DGKB: variants seen among roughly 807,000 people sequenced by gnomAD.
DGKB encodes diacylglycerol kinase beta, also known as 90 kDa diacylglycerol kinase.
Under a neutral mutation model 114.3 loss-of-function variants are expected in DGKB, and 67 were observed. The observed-to-expected ratio is 0.59, with a 90% CI of 0.48 to 0.72. The LOEUF is 0.72. Among genes scored for constraint, DGKB ranks in the 30% least tolerant of loss-of-function variants. The pLI is 0.00. For synonymous variants in DGKB, 398 were observed against 323.1 expected, an observed-to-expected ratio of 1.23 and a Z score of -2.49; for missense variants, 907 against 975.2, an observed-to-expected ratio of 0.93 and a Z score of 0.93.
intron 23 of DGKB, among the ~76,000 whole-genome samples, chr7:14,278,821 C>A (rs770092450): frequency 8.6e-5 from 13 of 151,776 alleles, no homozygotes; most frequent in Non-Finnish European, 1.6e-4. Flanking sequence ...AATAAATAAC[C>A]CAATTAACAG....
At chr7:14,805,939 G>T (rs1586635766) in intron 2 of DGKB, among the ~76,000 whole-genome samples, 1 of 150,586 alleles carries the variant, frequency 6.6e-6, no homozygotes, top group Admixed American at 6.6e-5. Context: ...CAGTTCAAAT[G>T]GTTTCAGATT....
At chr7:14,349,027 T>C (rs942579870) in intron 21 of DGKB, among the ~76,000 whole-genome samples, 2 of 152,036 alleles carry the variant, frequency 1.3e-5, no homozygotes, top group African/African-American at 4.8e-5. Context: ...ATCGTGAACT[T>C]TGTTTTATGG....
chr7:14,324,446 C>A (rs958329414), intron 23 of DGKB, among the ~76,000 whole-genome samples: 1,393 of 118,184 alleles, frequency 0.012, no homozygotes, highest in Middle Eastern at 0.018. Flanking sequence ...GACTCTGTCT[C>A]AAAAAAAAAA....
chr7:14,407,404 G>A (rs1167528266), intron 21 of DGKB, among the ~76,000 whole-genome samples: 1 of 152,002 alleles, frequency 6.6e-6, no homozygotes, highest in Admixed American at 6.6e-5. Context: ...GTTGATCTAG[G>A]CTGGACCATG....
chr7:14,922,165 G>A (rs1053767369), intron 1 of DGKB, among the ~76,000 whole-genome samples: 1 of 151,996 alleles, frequency 6.6e-6, no homozygotes, highest in Non-Finnish European at 1.5e-5. Context: ...AAAGCAAGAT[G>A]GAAGAGCAAT....
chr7:14,608,721 T>C (rs994523647), intron 16 of DGKB, among the ~76,000 whole-genome samples: 1 of 152,050 alleles, frequency 6.6e-6, no homozygotes, highest in Non-Finnish European at 1.5e-5. Flanking sequence ...TGAAGAATTT[T>C]AGCAAGGTTT....
At chr7:14,660,371 T>G (rs552735232) in intron 13 of DGKB, among the ~76,000 whole-genome samples, 1 of 151,864 alleles carries the variant, frequency 6.6e-6, no homozygotes, top group Non-Finnish European at 1.5e-5. Context: ...CCTGGACTCT[T>G]TTTGGTTGGT....
chr7:14,915,746 T>A (rs2128245201), intron 1 of DGKB, among the ~76,000 whole-genome samples: 2 of 151,904 alleles, frequency 1.3e-5, no homozygotes, highest in Non-Finnish European at 2.9e-5. Context: ...GAAGAAGAAA[T>A]AAAGACTGTC....
At chr7:14,276,997 A>G (rs1051451629) in intron 23 of DGKB, among the ~76,000 whole-genome samples, 1 of 151,982 alleles carries the variant, frequency 6.6e-6, no homozygotes, top group Non-Finnish European at 1.5e-5. Context: ...AGATGTTTGA[A>G]ATTTGCTTAT....
At chr7:14,561,799 T>G (rs1404348663) in intron 20 of DGKB, among the ~76,000 whole-genome samples, 1 of 152,192 alleles carries the variant, frequency 6.6e-6, no homozygotes, top group African/African-American at 2.4e-5. Context: ...TTTGGAAAAT[T>G]TGCAGCCTGA....
In DGKB at chr7:14,841,335, C is replaced by G. The variant is rs1413097899; in HGVS notation, c.-72G>C. The G allele has an allele frequency of 7.7e-7, 1 of 1,298,696 alleles. No homozygotes were observed. Among genetic ancestry groups the G allele is most frequent in the East Asian group, 2.4e-5 (1 of 41,914 alleles). 80.4% of individuals were successfully genotyped at this position (1,298,696 alleles called of 1,614,324 possible). A position where few individuals can be genotyped will look rare whatever the true frequency, so the allele number is the denominator to read the frequency against. ...TTCAGGTGTTGCGCAGAGGTCTATGCTTCAAAGATTCCACATGGCATGTTT... is the reference window on the plus strand; with the variant it reads ...TTCAGGTGTTGCGCAGAGGTCTATGGTTCAAAGATTCCACATGGCATGTTT... On this transcript the variant is annotated 5_prime_UTR_variant, in exon 2 of 26. Transcript: ENST00000402815.
chr7:14,652,942 A>G (rs923234113), intron 13 of DGKB, among the ~76,000 whole-genome samples: 90 of 151,930 alleles, frequency 5.9e-4, no homozygotes, highest in Non-Finnish European at 1.1e-3. Context: ...ATGCAAATCA[A>G]AACCATAATG....
Position 14,478,233 on chromosome 7 carries a change from G to A in DGKB, c.1771-8C>T. Reference sequence around the variant, plus strand: ...GTGTGCAATGGAGGCATCCTAAGGGGAGAAAATAGAAAACAAAAACAGGAT... The same window carrying A: ...GTGTGCAATGGAGGCATCCTAAGGGAAGAAAATAGAAAACAAAAACAGGAT... On this transcript the variant is annotated splice_polypyrimidine_tract_variant and splice_region_variant and intron_variant, in intron 20 of 25. Coordinates refer to ENST00000402815, the MANE Select transcript of DGKB (RefSeq NM_001350709.2). The A allele has an allele frequency of 6.4e-7, 1 of 1,557,284 alleles. No homozygotes were observed.
chr7:14,671,403 G>C (rs948199910), intron 13 of DGKB, among the ~76,000 whole-genome samples: 2 of 152,216 alleles, frequency 1.3e-5, no homozygotes, highest in African/African-American at 4.8e-5. Context: ...CAAATGCTGA[G>C]ATATAAATTA....
At chr7:14,787,347 C>T (rs1170027725) in intron 2 of DGKB, among the ~76,000 whole-genome samples, 2 of 152,138 alleles carry the variant, frequency 1.3e-5, no homozygotes, top group East Asian at 1.9e-4. Context: ...CTACTTATTA[C>T]ACAGAAATCT....
intron 23 of DGKB, among the ~76,000 whole-genome samples, chr7:14,220,853 T>A (rs929083318): frequency 4.6e-5 from 7 of 151,542 alleles, no homozygotes; most frequent in African/African-American, 7.2e-5. Flanking sequence ...TTAAAATTTT[T>A]AAAAATTTCT....
At chr7:14,567,158 T>TA (rs1797531056) in intron 20 of DGKB, among the ~76,000 whole-genome samples, 1 of 94,676 alleles carries the variant, frequency 1.1e-5, no homozygotes, top group Non-Finnish European at 2.0e-5. Context: ...TAATATACAA[T>TA]TATATTTATA....
chr7:14,740,063 G>A (rs909287088), intron 4 of DGKB, among the ~76,000 whole-genome samples: 2 of 152,212 alleles, frequency 1.3e-5, no homozygotes, highest in Non-Finnish European at 2.9e-5. Flanking sequence ...GGCAATCTTG[G>A]GGGCTAGAGG....
chr7:14,591,754 T>C (rs1191316587), intron 17 of DGKB, among the ~76,000 whole-genome samples: 2 of 152,090 alleles, frequency 1.3e-5, no homozygotes, highest in African/African-American at 4.8e-5. Context: ...GAAATTGTGA[T>C]GCTTAATATT....
Sources: gnomAD v4.1 joint callset for allele counts (sites outside exome capture counted in the v4.1 genomes callset) on GRCh38, gnomAD v4.1.1 for gene constraint, MANE v1.5 for transcripts, NCBI Gene and HGNC (gene_info 2026-07-23, HGNC 2026-07-21) for gene names.